The following E2F6 variants were observed in gnomAD, a reference collection of about 807,000 sequenced individuals.
E2F6 encodes transcription factor E2F6.
E2F6 carries 19 observed loss-of-function variants against 31.5 expected under a neutral mutation model. That is an observed-to-expected ratio of 0.60 (90% CI 0.42 to 0.89). The LOEUF (loss-of-function observed/expected upper bound fraction) is 0.89, where lower values mean the gene tolerates loss of function less well. E2F6 is among the 40% of genes least tolerant of loss of function. E2F6 has a pLI of 0.00. For missense variants in E2F6, 269 were observed against 341.6 expected, an observed-to-expected ratio of 0.79 and a Z score of 1.67; for synonymous variants, 121 against 127.7, an observed-to-expected ratio of 0.95 and a Z score of 0.36.
intron 1 of E2F6, among the ~76,000 whole-genome samples, chr2:11,458,669 G>A (rs1377751426): frequency 6.6e-6 from 1 of 152,228 alleles, no homozygotes; most frequent in Non-Finnish European, 1.5e-5. Flanking sequence ...AAGGCAAGGT[G>A]AGCAGTTAAG....
rs544797904 is a variant in E2F6, at chr2:11,445,537, T to C, written c.*940A>G. On this transcript the variant is annotated 3_prime_UTR_variant, in exon 7 of 7. Coordinates refer to ENST00000381525, the MANE Select transcript of E2F6 (RefSeq NM_198256.4). ...TACAACTTGTCCTAAGTAAAACCCC[T>C]TGGACTGACTCAACAGCAAGGCTGC... The C allele has an allele frequency of 5.3e-5, 8 of 152,350 alleles. No individual in the cohort carries two copies. In the South Asian group the frequency reaches 8.3e-4, roughly 16 times the overall value. 9.4% of individuals were successfully genotyped at this position (152,350 alleles called of 1,614,324 possible).
chr2:11,464,436 G>A (rs1310680187), intron 1 of E2F6, among the ~76,000 whole-genome samples: 1 of 147,626 alleles, frequency 6.8e-6, no homozygotes, highest in East Asian at 2.0e-4. Context: ...AAAATGGCGT[G>A]AACTCGGGAG....
rs1672172751 is a variant in E2F6, at chr2:11,465,862, C to T, written c.18G>A (p.Pro6=). 2 of 1,566,410 alleles carry T rather than the reference C, an allele frequency of 1.3e-6. No homozygotes were observed. The change falls in exon 1 of 7, where the codon CCG becomes CCA. Residue 6 remains proline (P), a synonymous_variant. Transcript: ENST00000381525. MSQQR[P]ARKLPSLLLD... ...GGAGGAGACTGGGTAACTTCCTCGCCGGCCGCTGCTGACTCATGCTGCCCG... is the reference window on the plus strand; with the variant it reads ...GGAGGAGACTGGGTAACTTCCTCGCTGGCCGCTGCTGACTCATGCTGCCCG...
chr2:11,462,626 G>A (rs1334460260), intron 1 of E2F6, among the ~76,000 whole-genome samples: 1 of 152,064 alleles, frequency 6.6e-6, no homozygotes, highest in African/African-American at 2.4e-5. Context: ...TGTGCTTTGG[G>A]GCCATTACTG....
intron 3 of E2F6, among the ~76,000 whole-genome samples, chr2:11,453,314 G>C (rs533557270): frequency 9.2e-5 from 14 of 152,208 alleles, no homozygotes; most frequent in African/African-American, 3.4e-4. Flanking sequence ...GCCTCTAGGT[G>C]TTTACTACAC....
At chr2:11,447,511 T>C in intron 6 of E2F6, 116 bp downstream of exon 6, 1 of 1,125,222 alleles carries the variant, frequency 8.9e-7, no homozygotes, top group Non-Finnish European at 1.3e-6. Context: ...TATGCTGTAA[T>C]TTTTTACTCA....
In E2F6 at chr2:11,447,618, T is replaced by C; in HGVS notation, c.799+9A>G. On this transcript the variant is annotated intron_variant, in intron 6 of 6. Transcript: ENST00000381525. ...ATTAAAATACTGTCAGAATCACTGG[T>C]ATATTTACCTTCCTCAGGGCCTTCT... 3.1e-6 allele frequency: 5 copies of C among 1,611,208 alleles called. No homozygotes were observed. The highest frequency in any genetic ancestry group is 4.2e-6 in the Non-Finnish European group (5 of 1,179,568).
chr2:11,457,790 TC>T (rs1671502084), intron 1 of E2F6, among the ~76,000 whole-genome samples: 1 of 152,224 alleles, frequency 6.6e-6, no homozygotes, highest in Non-Finnish European at 1.5e-5. Flanking sequence ...TACACGTGGT[TC>T]CCCAAAATTT....
Position 11,465,925 on chromosome 2 carries a change from C to T in E2F6, c.-46G>A. ...GCTCCCCTCGCACCCCACGAGCTCT[C>T]CCGCCCTCTCGCGCTCAGCTCGAGC... is the stretch of plus-strand genomic sequence containing the variant. On this transcript the variant is annotated 5_prime_UTR_variant, in exon 1 of 7. Coordinates refer to ENST00000381525, the MANE Select transcript of E2F6 (RefSeq NM_198256.4). The T allele has an allele frequency of 2.7e-6, 4 of 1,462,420 alleles. No homozygotes were observed. The highest frequency in any genetic ancestry group is 3.7e-6 in the Non-Finnish European group (4 of 1,094,164). 90.6% of individuals were successfully genotyped at this position (1,462,420 alleles called of 1,614,324 possible). A position where few individuals can be genotyped will look rare whatever the true frequency, so the allele number is the denominator to read the frequency against.
At chr2:11,464,180 C>T (rs926787976) in intron 1 of E2F6, among the ~76,000 whole-genome samples, 1 of 151,796 alleles carries the variant, frequency 6.6e-6, no homozygotes, top group Admixed American at 6.6e-5. Flanking sequence ...GATAGGGGTC[C>T]CCAGCAGTGG....
At chr2:11,455,546 C>T (rs1308859122) in intron 2 of E2F6, 3 of 954,814 alleles carry the variant, frequency 3.1e-6, no homozygotes, top group Non-Finnish European at 4.4e-6. Context: ...CACAATTCTA[C>T]AACAAACTCA....
intron 1 of E2F6, among the ~76,000 whole-genome samples, chr2:11,461,698 C>A (rs1671793333): frequency 6.6e-6 from 1 of 152,144 alleles, no homozygotes; most frequent in Non-Finnish European, 1.5e-5. Flanking sequence ...ATGATGAAGG[C>A]TTGTGTTTGA....
intron 1 of E2F6, chr2:11,458,447 G>T: frequency 7.8e-7 from 1 of 1,287,080 alleles, no homozygotes; most frequent in Non-Finnish European, 1.1e-6. Context: ...GGAACCCACT[G>T]AAGTGGCCAG....
Position 11,452,461 on chromosome 2 carries a change from G to A in E2F6, c.381-655C>T, listed in dbSNP as rs568869440. ...TCTACTAAAAATACAAAAATTAGCC[G>A]GGCGTGGTGGTGTATGCCTGTAATC... On this transcript the variant is annotated intron_variant, in intron 3 of 6. Transcript: ENST00000381525. Among the ~76,000 whole-genome samples the A allele has an allele frequency of 3.9e-5, 6 of 151,984 alleles. No individual in the cohort carries two copies. In the South Asian group the frequency reaches 8.3e-4, roughly 21 times the overall value.
intron 3 of E2F6, 53 bp from the exon 4 acceptor site, chr2:11,451,859 A>G: frequency 6.5e-7 from 1 of 1,532,646 alleles, no homozygotes; most frequent in Non-Finnish European, 8.9e-7. Context: ...ATAACAAAGT[A>G]ATTTCAAGTT....
chr2:11,457,017 A>G (rs1209403754), intron 2 of E2F6, 162 bp downstream of exon 2: 1 of 609,310 alleles, frequency 1.6e-6, no homozygotes, highest in Admixed American at 3.1e-5. Context: ...GATTCAACCC[A>G]TAACCTCAGG....
chr2:11,445,131 C>T lies in E2F6; in HGVS notation c.*1346G>A, dbSNP rs935721310. ...AAACACTCAGCATTATTTTTTAATA[C>T]TTTGATTTTGGATTCCGATTTTAAA... On this transcript the variant is annotated 3_prime_UTR_variant, in exon 7 of 7. Transcript: ENST00000381525. 8 of 152,194 alleles carry T rather than the reference C, an allele frequency of 5.3e-5. No homozygotes were observed. Among genetic ancestry groups the T allele is most frequent in the African/African-American group, 1.4e-4 (6 of 41,438 alleles). The allele number at this position is 152,194 out of a possible 1,614,324, so 9.4% of individuals were successfully genotyped here.
intron 4 of E2F6, chr2:11,451,056 G>C (rs528322394): frequency 2.0e-5 from 3 of 152,234 alleles, no homozygotes; most frequent in African/African-American, 7.2e-5. Context: ...GACACAAATG[G>C]CAGTTTAAGC....
In E2F6 at chr2:11,466,135, G is replaced by T; in HGVS notation, c.-256C>A. 1 of 457,782 alleles carries T rather than the reference G, an allele frequency of 2.2e-6. No individual in the cohort carries two copies. The highest frequency in any genetic ancestry group is 4.2e-5 in the Admixed American group (1 of 23,680). 28.4% of individuals were successfully genotyped at this position (457,782 alleles called of 1,614,324 possible). ...CCGCGGATCTCAAGTCGCCCGGCCC[G>T]CCATCTTCCCGCATGCGCAGTACAC... On this transcript the variant is annotated 5_prime_UTR_variant, in exon 1 of 7. Coordinates refer to ENST00000381525, the MANE Select transcript of E2F6 (RefSeq NM_198256.4).
Sources: allele counts gnomAD v4.1 joint callset (sites outside exome capture counted in the v4.1 genomes callset), GRCh38; gene constraint gnomAD v4.1.1; transcripts MANE v1.5; gene names NCBI Gene and HGNC (gene_info 2026-07-23, HGNC 2026-07-21).